The following RBFOX2 variants were observed in gnomAD, a reference collection of about 807,000 sequenced individuals.
The protein encoded by RBFOX2 is RNA binding fox-1 homolog 2.
In RBFOX2, 10 loss-of-function variants were observed where a neutral mutation model predicts 49.1. The observed-to-expected ratio is 0.20, with a 90% confidence interval of 0.13 to 0.35. The LOEUF (loss-of-function observed/expected upper bound fraction) is 0.35. Ranked by LOEUF, RBFOX2 falls within the 10% of genes least tolerant of loss-of-function variation. RBFOX2 has a pLI of 1.00. For missense variants in RBFOX2, 323 were observed against 486.9 expected (o/e 0.66, Z 3.17); for synonymous variants, 183 against 187.4 (o/e 0.98, Z 0.19).
At chr22:35,944,314 T>C (rs931684293) in intron 1 of RBFOX2, among the ~76,000 whole-genome samples, 3 of 152,214 alleles carry the variant, frequency 2.0e-5, no homozygotes, top group Admixed American at 6.5e-5. Context: ...TGATACATGC[T>C]GAAAAGACAG....
intron 2 of RBFOX2, among the ~76,000 whole-genome samples, chr22:35,807,534 A>T (rs948650241): frequency 1.3e-5 from 2 of 152,020 alleles, no homozygotes; most frequent in Admixed American, 6.5e-5. Context: ...AAAAATTTTT[A>T]AAATGTCTCG....
chr22:35,985,468 C>T (rs1375516931), intron 1 of RBFOX2, among the ~76,000 whole-genome samples: 7 of 152,156 alleles, frequency 4.6e-5, no homozygotes, highest in African/African-American at 1.7e-4. Context: ...CACTATTTAG[C>T]TCCTGCAGAT....
At chr22:35,838,624 T>C (rs1311960976) in intron 1 of RBFOX2, among the ~76,000 whole-genome samples, 1 of 152,230 alleles carries the variant, frequency 6.6e-6, no homozygotes, top group Non-Finnish European at 1.5e-5. Flanking sequence ...CGCTTCAGCC[T>C]GCGCATTCGC....
At chr22:35,949,379 T>C (rs1422174521) in intron 1 of RBFOX2, among the ~76,000 whole-genome samples, 1 of 152,210 alleles carries the variant, frequency 6.6e-6, no homozygotes, top group African/African-American at 2.4e-5. Flanking sequence ...GTCCCTGCTT[T>C]CAATGCTTTT....
rs1937972035 is a variant in RBFOX2 at position 35,759,505 on chromosome 22, C to A, written c.887+383G>T. On this transcript the variant is annotated intron_variant, in intron 9 of 11. Transcript: ENST00000405409. The surrounding 1 kb of genome is among the most constrained non-coding windows in gnomAD (Gnocchi z 4.6). ...CGGGGTGGTGATAAGGAGGTGAACA[C>A]AGCAGATGCAGGCTTGTACTACAAT... Among the ~76,000 whole-genome samples, 1 of 152,156 alleles carries A rather than the reference C, an allele frequency of 6.6e-6. No individual in the cohort carries two copies. The highest frequency in any genetic ancestry group is 1.5e-5 in the Non-Finnish European group (1 of 68,028).
Position 35,768,684 on chromosome 22 carries a change from CTT to C in RBFOX2, c.454-337_454-336del, listed in dbSNP as rs569475361. ...ATCTGAAGATTTTTTAATGCCCTAC[CTT>C]TCTCTCTCAATTCATGTTATTAATT... On this transcript the variant is annotated intron_variant, in intron 4 of 11. Transcript: ENST00000405409. 9.1e-4 allele frequency among the ~76,000 whole-genome samples: 138 copies of C among 152,248 alleles called. 1 individual carries two copies. Among genetic ancestry groups the C allele is most frequent in the Middle Eastern group, 3.4e-3 (1 of 294 alleles).
intron 1 of RBFOX2, among the ~76,000 whole-genome samples, chr22:35,954,473 C>T (rs1221435331): frequency 3.3e-5 from 5 of 152,278 alleles, no homozygotes; most frequent in African/African-American, 1.2e-4. Context: ...TCACTTCAAG[C>T]TTAAATTACT....
chr22:35,971,652 G>A lies in RBFOX2; in HGVS notation c.187-32755C>T, dbSNP rs145159259. On this transcript the variant is annotated intron_variant, in intron 1 of 13. Coordinates refer to the RBFOX2 transcript ENST00000438146. ...TAGAAAGGAAAAGAGACTAGGAGAG[G>A]GAGGTAAACAGGGCAGGCAAAGGGA... Among the ~76,000 whole-genome samples the A allele has an allele frequency of 3.3e-5, 5 of 152,114 alleles. No homozygotes were observed. In the East Asian group the frequency reaches 9.7e-4, roughly 29 times the overall value.
intron 9 of RBFOX2, among the ~76,000 whole-genome samples, chr22:35,748,912 G>A (rs1049889993): frequency 6.6e-6 from 1 of 152,208 alleles, no homozygotes; most frequent in Non-Finnish European, 1.5e-5. Context: ...CTGGAGGTAC[G>A]ATCTCTGAGT....
intron 2 of RBFOX2, among the ~76,000 whole-genome samples, chr22:35,799,923 C>T (rs1949471193): frequency 6.6e-6 from 1 of 152,112 alleles, no homozygotes; most frequent in Non-Finnish European, 1.5e-5. Context: ...CACTGCACTC[C>T]AGCCTGGGTG....
At chr22:35,971,088 T>C (rs1182764435) in intron 1 of RBFOX2, among the ~76,000 whole-genome samples, 1 of 152,070 alleles carries the variant, frequency 6.6e-6, no homozygotes, top group Admixed American at 6.6e-5. Flanking sequence ...AAAATCCTCT[T>C]TTAAGCTGTG....
intron 2 of RBFOX2, among the ~76,000 whole-genome samples, chr22:35,796,427 G>C (rs1948792962): frequency 6.6e-6 from 1 of 152,016 alleles, no homozygotes; most frequent in Non-Finnish European, 1.5e-5. Flanking sequence ...TTAATGTATG[G>C]ATTTACTATT....
chr22:35,992,147 C>T (rs1308537835), intron 1 of RBFOX2, among the ~76,000 whole-genome samples: 1 of 152,150 alleles, frequency 6.6e-6, no homozygotes, highest in Admixed American at 6.5e-5. Flanking sequence ...CCTTGCCACA[C>T]CAGCGGATGT....
chr22:35,874,647 A>G (rs1185355255), intron 1 of RBFOX2, among the ~76,000 whole-genome samples: 1 of 152,250 alleles, frequency 6.6e-6, no homozygotes, highest in East Asian at 1.9e-4. Context: ...TAATGGGTTC[A>G]ACATCTCTGT....
At chr22:35,833,406 T>C (rs1279574816) in intron 1 of RBFOX2, among the ~76,000 whole-genome samples, 1 of 152,204 alleles carries the variant, frequency 6.6e-6, no homozygotes, top group Non-Finnish European at 1.5e-5. Flanking sequence ...AGAAAACTTT[T>C]CTACTTATCA....
chr22:35,910,590 A>G (rs2049698686), intron 1 of RBFOX2, among the ~76,000 whole-genome samples: 1 of 152,184 alleles, frequency 6.6e-6, no homozygotes, highest in Non-Finnish European at 1.5e-5. Flanking sequence ...GTCCATTTCT[A>G]TACCTTTCTG....
chr22:35,914,428 GAAGC>G (rs2149534006), intron 1 of RBFOX2, among the ~76,000 whole-genome samples: 1 of 152,296 alleles, frequency 6.6e-6, no homozygotes, highest in Non-Finnish European at 1.5e-5. Context: ...TGCATAAAGA[GAAGC>G]AAGTCTAAAA....
intron 1 of RBFOX2, among the ~76,000 whole-genome samples, chr22:36,015,948 T>G (rs905341176): frequency 6.6e-6 from 1 of 152,178 alleles, no homozygotes; most frequent in South Asian, 2.1e-4. Flanking sequence ...CTAAACTCCA[T>G]GCAACAGGGC....
chr22:35,988,250 G>T (rs2057807029), intron 1 of RBFOX2, among the ~76,000 whole-genome samples: 1 of 152,136 alleles, frequency 6.6e-6, no homozygotes, highest in Non-Finnish European at 1.5e-5. Flanking sequence ...GGTTCTTTCA[G>T]TTCTAAAATC....
Sources: gnomAD v4.1 joint callset for allele counts (sites outside exome capture counted in the v4.1 genomes callset) on GRCh38, gnomAD v4.1.1 for gene constraint, Gnocchi (gnomAD v3.1) non-coding constraint, MANE v1.5 for transcripts, NCBI Gene and HGNC (gene_info 2026-07-23, HGNC 2026-07-21) for gene names.